Variants in TBL1XR1 observed in about 807,000 individuals in gnomAD.
TBL1XR1 encodes F-box-like/WD repeat-containing protein TBL1XR1.
In TBL1XR1, 5 loss-of-function variants were observed where a neutral mutation model predicts 66.9. The observed-to-expected ratio is 0.07, with a 90% CI of 0.04 to 0.16. TBL1XR1 has a LOEUF of 0.16. TBL1XR1 is among the 10% of genes least tolerant of loss of function. TBL1XR1 has a pLI of 1.00. For missense variants in TBL1XR1, 238 were observed against 623.2 expected, an observed-to-expected ratio of 0.38 and a Z score of 6.58; for synonymous variants, 210 against 206.0, an observed-to-expected ratio of 1.02 and a Z score of -0.17.
At chr3:177,073,694 GA>G (rs1720331322) in intron 2 of TBL1XR1, among the ~76,000 whole-genome samples, 1 of 152,162 alleles carries the variant, frequency 6.6e-6, no homozygotes, top group African/African-American at 2.4e-5. Flanking sequence ...TAATATAAAG[GA>G]ACAATACAGT....
intron 1 of TBL1XR1, among the ~76,000 whole-genome samples, chr3:177,108,590 G>C (rs1033573704): frequency 2.6e-5 from 4 of 152,056 alleles, no homozygotes; most frequent in African/African-American, 9.7e-5. Context: ...AGGCATTTTC[G>C]CACAGAAGTA....
At chr3:177,071,177 C>CCCGCCA (rs1401763819) in intron 2 of TBL1XR1, among the ~76,000 whole-genome samples, 6 of 151,860 alleles carry the variant, frequency 4.0e-5, no homozygotes, top group African/African-American at 1.5e-4. Flanking sequence ...ACTATAGGCA[C>CCCGCCA]CCGCCACCGT....
At chr3:177,053,110 C>T (rs1422657836) in intron 4 of TBL1XR1, among the ~76,000 whole-genome samples, 1 of 152,034 alleles carries the variant, frequency 6.6e-6, no homozygotes, top group Non-Finnish European at 1.5e-5. Flanking sequence ...ACACACAAAA[C>T]AAAACAAAAC....
chr3:177,049,655 T>G (rs919162783), intron 7 of TBL1XR1, among the ~76,000 whole-genome samples: 1 of 152,340 alleles, frequency 6.6e-6, no homozygotes, highest in South Asian at 2.1e-4. Context: ...TTGTTTGTTA[T>G]TATGGTAAGA....
chr3:177,193,318 T>C (rs981956140), intron 1 of TBL1XR1, among the ~76,000 whole-genome samples: 3 of 151,972 alleles, frequency 2.0e-5, no homozygotes, highest in Non-Finnish European at 4.4e-5. Flanking sequence ...ATTTTTTGTT[T>C]GTTTGTTTTT....
intron 1 of TBL1XR1, among the ~76,000 whole-genome samples, chr3:177,131,606 G>T (rs547317085): frequency 6.6e-6 from 1 of 150,486 alleles, no homozygotes; most frequent in African/African-American, 2.4e-5. Context: ...CGCTTCTCAG[G>T]TTCAAGTGAT....
At position 177,038,892 on chromosome 3, in the gene TBL1XR1, G is replaced by A. The variant is rs190764189; in HGVS notation, c.926-458C>T. 2.2e-3 allele frequency among the ~76,000 whole-genome samples: 337 copies of A among 152,266 alleles called. 6 individuals are homozygous for A. The South Asian group carries it at 0.035, about 16-fold the overall frequency. On this transcript the variant is annotated intron_variant, in intron 10 of 15. Coordinates refer to ENST00000457928, the MANE Select transcript of TBL1XR1 (RefSeq NM_024665.7). ...TATCCTCTTTAGATAAGGGTAACAT[G>A]CAAGTGTTACCCTCACACACAAGAG...
At chr3:177,062,108 C>T (rs994622049) in intron 3 of TBL1XR1, among the ~76,000 whole-genome samples, 4 of 152,126 alleles carry the variant, frequency 2.6e-5, no homozygotes, top group African/African-American at 4.8e-5. Context: ...GACATAAAAA[C>T]GCCTCATTAT....
chr3:177,101,704 T>C (rs1230951412), intron 1 of TBL1XR1, among the ~76,000 whole-genome samples: 1 of 152,216 alleles, frequency 6.6e-6, no homozygotes, highest in East Asian at 1.9e-4. Context: ...ATCAATTTAT[T>C]TTATTCATAA....
chr3:177,152,643 A>G (rs1731036042), intron 1 of TBL1XR1, among the ~76,000 whole-genome samples: 1 of 151,938 alleles, frequency 6.6e-6, no homozygotes, highest in African/African-American at 2.4e-5. Context: ...GTATTTCCTC[A>G]CTATTCAAGT....
At chr3:177,049,822 C>T (rs1480479768) in intron 7 of TBL1XR1, among the ~76,000 whole-genome samples, 175 bp downstream of exon 7, 2 of 152,162 alleles carry the variant, frequency 1.3e-5, no homozygotes, top group Non-Finnish European at 2.9e-5. Context: ...CTGACTAAGG[C>T]AAGTCTGTGT....
intron 1 of TBL1XR1, among the ~76,000 whole-genome samples, chr3:177,145,077 G>C (rs913535929): frequency 2.6e-5 from 4 of 152,150 alleles, no homozygotes; most frequent in Non-Finnish European, 5.9e-5. Flanking sequence ...ATAACTTCAA[G>C]TGGTACCAGG....
chr3:177,174,847 C>T (rs548410497), intron 1 of TBL1XR1, among the ~76,000 whole-genome samples: 7 of 152,266 alleles, frequency 4.6e-5, no homozygotes, highest in South Asian at 2.1e-4. Flanking sequence ...ATAATCCTGC[C>T]GTTCCGTTTA....
At chr3:177,043,820 C>T (rs886732967) in intron 10 of TBL1XR1, among the ~76,000 whole-genome samples, 1 of 152,012 alleles carries the variant, frequency 6.6e-6, no homozygotes, top group African/African-American at 2.4e-5. Flanking sequence ...ATTTTCTTCT[C>T]CTTTGATGGG....
At chr3:177,182,999 A>C (rs1044006271) in intron 1 of TBL1XR1, among the ~76,000 whole-genome samples, 2 of 152,194 alleles carry the variant, frequency 1.3e-5, no homozygotes, top group African/African-American at 4.8e-5. Flanking sequence ...ATTTAAGAGC[A>C]ATCAAAATTC....
In TBL1XR1 at chr3:177,023,452, A is replaced by G. The variant is rs1712654722; in HGVS notation, c.*2046T>C. ...AGGTTTCCTACGTAAGTCACAGGGT[A>G]ATATGTTCTAAATATCTCTAATGTG... On this transcript the variant is annotated 3_prime_UTR_variant, in exon 16 of 16. Coordinates refer to ENST00000457928, the MANE Select transcript of TBL1XR1 (RefSeq NM_024665.7). The G allele has an allele frequency of 6.6e-6, 1 of 152,536 alleles. No homozygotes were observed. Among genetic ancestry groups the G allele is most frequent in the South Asian group, 2.1e-4 (1 of 4,826 alleles). 9.4% of individuals were successfully genotyped at this position (152,536 alleles called of 1,614,324 possible).
intron 2 of TBL1XR1, among the ~76,000 whole-genome samples, chr3:177,075,341 A>T (rs1430185407): frequency 6.6e-6 from 1 of 152,212 alleles, no homozygotes; most frequent in Non-Finnish European, 1.5e-5. Context: ...TTTTATAAAA[A>T]CACCAGTCAT....
chr3:177,023,450 G>A lies in TBL1XR1; in HGVS notation c.*2048C>T, dbSNP rs1034927508. 6.6e-6 allele frequency: 1 copy of A among 152,444 alleles called. No homozygotes were observed. Among genetic ancestry groups the A allele is most frequent in the African/African-American group, 2.4e-5 (1 of 41,386 alleles). The allele number at this position is 152,444 out of a possible 1,614,324, so 9.4% of individuals were successfully genotyped here. Reference sequence around the variant, plus strand: ...TTAGGTTTCCTACGTAAGTCACAGGGTAATATGTTCTAAATATCTCTAATG... The same window carrying A: ...TTAGGTTTCCTACGTAAGTCACAGGATAATATGTTCTAAATATCTCTAATG... On this transcript the variant is annotated 3_prime_UTR_variant, in exon 16 of 16. Transcript: ENST00000457928.
intron 1 of TBL1XR1, among the ~76,000 whole-genome samples, chr3:177,175,646 C>T (rs531318541): frequency 7.5e-4 from 114 of 152,156 alleles, no homozygotes; most frequent in Non-Finnish European, 1.5e-3. Context: ...AGAGATTCAA[C>T]ATAACGTGTT....
Sources: allele counts gnomAD v4.1 joint callset (sites outside exome capture counted in the v4.1 genomes callset), GRCh38; gene constraint gnomAD v4.1.1; transcripts MANE v1.5; gene names NCBI Gene and HGNC (gene_info 2026-07-23, HGNC 2026-07-21).